The following ABLIM2 variants were observed in gnomAD, a reference collection of about 807,000 sequenced individuals.
ABLIM2 encodes the protein actin binding LIM protein family member 2.
In ABLIM2, 53 loss-of-function variants were observed where a neutral mutation model predicts 97.7. That is an observed-to-expected ratio of 0.54 (90% confidence interval 0.44 to 0.68). The LOEUF is 0.68. ABLIM2 is among the 30% of genes least tolerant of loss of function. ABLIM2 has a pLI of 0.00. For missense variants in ABLIM2, 835 were observed against 867.2 expected, an observed-to-expected ratio of 0.96 and a Z score of 0.47; for synonymous variants, 361 against 345.8, an observed-to-expected ratio of 1.04 and a Z score of -0.49.
chr4:8,051,357 G>A (rs73074034), intron 8 of ABLIM2, among the ~76,000 whole-genome samples: 8,194 of 151,236 alleles, frequency 0.054, 555 homozygotes, highest in African/African-American at 0.16. Flanking sequence ...GACCATCCTG[G>A]TCAACATAAT....
At chr4:7,997,277 G>A (rs1753952501) in intron 16 of ABLIM2, among the ~76,000 whole-genome samples, 1 of 152,058 alleles carries the variant, frequency 6.6e-6, no homozygotes, top group Non-Finnish European at 1.5e-5. Flanking sequence ...TCACCATGTT[G>A]GCCAGGATGG....
intron 8 of ABLIM2, among the ~76,000 whole-genome samples, chr4:8,047,438 G>C (rs2151823953): frequency 6.6e-6 from 1 of 151,650 alleles, no homozygotes; most frequent in Admixed American, 6.6e-5. Context: ...CAGCTTCCTT[G>C]GGCTTCCCTC....
rs1430008138 is a variant in ABLIM2 at position 8,102,387 on chromosome 4, A to C, written c.154+4107T>G. Among the ~76,000 whole-genome samples the C allele has an allele frequency of 2.0e-5, 3 of 152,190 alleles. No homozygotes were observed. The South Asian group carries it at 6.2e-4, about 32-fold the overall frequency. ...CCTAGCAGGGCTCACTTTCTAGCAC[A>C]TGATGAAATTTGCTTATTTATTCTT... On this transcript the variant is annotated intron_variant, in intron 2 of 20. Transcript: ENST00000447017.
chr4:8,118,708 T>C lies in ABLIM2; in HGVS notation c.11-12071A>G, dbSNP rs553620350. Among the ~76,000 whole-genome samples the C allele has an allele frequency of 5.9e-5, 9 of 152,332 alleles. No individual in the cohort carries two copies. The East Asian group carries it at 1.7e-3, about 29-fold the overall frequency. On this transcript the variant is annotated intron_variant, in intron 1 of 20. Coordinates refer to ENST00000447017, the MANE Select transcript of ABLIM2 (RefSeq NM_001130083.2). Reference sequence around the variant, plus strand: ...TTCCCAAAGTTGTCCTCGATAGTCCTGGCACCAGCCTGGGCTCCCACCATT... The same window carrying C: ...TTCCCAAAGTTGTCCTCGATAGTCCCGGCACCAGCCTGGGCTCCCACCATT...
chr4:8,008,719 C>T (rs1427276450), intron 15 of ABLIM2, among the ~76,000 whole-genome samples: 1 of 152,176 alleles, frequency 6.6e-6, no homozygotes, highest in Non-Finnish European at 1.5e-5. Flanking sequence ...ACTCTCTGGC[C>T]CTTTATGAAG....
chr4:8,050,765 G>T (rs1356706525), intron 8 of ABLIM2, among the ~76,000 whole-genome samples: 1 of 152,108 alleles, frequency 6.6e-6, no homozygotes, highest in Non-Finnish European at 1.5e-5. Flanking sequence ...CAAGGGGACC[G>T]AGATGTGTAT....
chr4:8,097,252 A>G lies in ABLIM2; in HGVS notation c.185T>C (p.Phe62Ser). The G allele has an allele frequency of 6.4e-7, 1 of 1,570,888 alleles. No homozygotes were observed. Among genetic ancestry groups the G allele is most frequent in the Non-Finnish European group, 8.6e-7 (1 of 1,159,146 alleles). ...ACGCDLAEGG[F>S]FVRQGEYICT... Reference sequence around the variant, plus strand: ...GATGTACTCGCCCTGCCGCACGAAGAAGCCGCCCTCGGCCAGGTCGCAGCC... The same window carrying G: ...GATGTACTCGCCCTGCCGCACGAAGGAGCCGCCCTCGGCCAGGTCGCAGCC... The change falls in exon 3 of 21, where the codon TTC becomes TCC. Residue 62 changes from phenylalanine (F) to serine (S), a missense_variant. Physicochemically the swap from Phe to Ser is radical, Grantham distance 155. Coordinates refer to ENST00000447017, the MANE Select transcript of ABLIM2 (RefSeq NM_001130083.2).
chr4:8,007,933 G>A (rs1762480754), intron 16 of ABLIM2, 126 bp downstream of exon 16: 3 of 1,490,624 alleles, frequency 2.0e-6, no homozygotes, highest in African/African-American at 2.8e-5. Flanking sequence ...TAGATTTGTG[G>A]GCTTTGCTTT....
intron 11 of ABLIM2, 69 bp from the exon 12 acceptor site, chr4:8,027,926 A>C: frequency 3.0e-5 from 33 of 1,116,972 alleles, no homozygotes; most frequent in Non-Finnish European, 3.9e-5. Flanking sequence ...CATATTCCTC[A>C]TCCCCACTCT....
intron 16 of ABLIM2, chr4:7,994,080 C>CTTTT (rs764214617): frequency 3.1e-3 from 183 of 59,222 alleles, no homozygotes; most frequent in Non-Finnish European, 4.7e-3. Context: ...GGGAAGCATT[C>CTTTT]TTTTTTTTTT....
Position 8,064,394 on chromosome 4 carries a change from A to G in ABLIM2, c.676-3340T>C, listed in dbSNP as rs561494056. On this transcript the variant is annotated intron_variant, in intron 6 of 20. Coordinates refer to ENST00000447017, the MANE Select transcript of ABLIM2 (RefSeq NM_001130083.2). Reference sequence around the variant, plus strand: ...CATGGATTAACAGGCCATCATGGGAACAGGACGGGTGGCTCTGAAGACAGG... The same window carrying G: ...CATGGATTAACAGGCCATCATGGGAGCAGGACGGGTGGCTCTGAAGACAGG... Among the ~76,000 whole-genome samples, 5 of 152,332 alleles carry G rather than the reference A, an allele frequency of 3.3e-5. No homozygotes were observed. The South Asian group carries it at 6.2e-4, about 19-fold the overall frequency.
At chr4:8,100,581 C>T (rs4696757) in intron 2 of ABLIM2, among the ~76,000 whole-genome samples, 24,320 of 151,676 alleles carry the variant, frequency 0.16, 4,667 homozygotes, top group African/African-American at 0.46. Flanking sequence ...ACCTCGACTC[C>T]ACTAAAAATG....
rs755811122 is a variant in ABLIM2, at chr4:7,986,141, T to G, written c.1681-1248A>C. On this transcript the variant is annotated intron_variant, in intron 17 of 20. Coordinates refer to ENST00000447017, the MANE Select transcript of ABLIM2 (RefSeq NM_001130083.2). This position sits in a 1 kb window ranked among gnomAD's most constrained non-coding sequence, Gnocchi z 4.3. ...GGCTCTCGGCCAGTGCTGCTGAAAC[T>G]GGGTACAGGGATCACATTTCAGCAG... Among the ~76,000 whole-genome samples the G allele has an allele frequency of 6.6e-6, 1 of 152,300 alleles. No homozygotes were observed. The highest frequency in any genetic ancestry group is 1.5e-5 in the Non-Finnish European group (1 of 68,016).
intron 14 of ABLIM2, among the ~76,000 whole-genome samples, chr4:8,011,502 G>A (rs1036170125): frequency 6.6e-6 from 1 of 152,186 alleles, no homozygotes; most frequent in Admixed American, 6.5e-5. Flanking sequence ...TCTGTAAAAT[G>A]GGCAAAGGAT....
At chr4:8,086,452 A>G (rs1012008453) in intron 4 of ABLIM2, among the ~76,000 whole-genome samples, 1 of 149,752 alleles carries the variant, frequency 6.7e-6, no homozygotes, top group Non-Finnish European at 1.5e-5. Flanking sequence ...AGTTCAAGCG[A>G]TTCTCCTGCC....
At chr4:8,038,876 T>A (rs945283013) in intron 9 of ABLIM2, among the ~76,000 whole-genome samples, 1 of 152,174 alleles carries the variant, frequency 6.6e-6, no homozygotes, top group African/African-American at 2.4e-5. Flanking sequence ...CCATGCCACT[T>A]AGCACTCAAG....
intron 8 of ABLIM2, among the ~76,000 whole-genome samples, chr4:8,053,683 G>C (rs1169572675): frequency 1.3e-5 from 2 of 152,126 alleles, no homozygotes; most frequent in Admixed American, 1.3e-4. Flanking sequence ...TTGGAAACTT[G>C]GTGTCCTTTG....
In ABLIM2 at chr4:8,071,438, C is replaced by A. The variant is rs1811955508; in HGVS notation, c.675+6190G>T. Among the ~76,000 whole-genome samples, 1 of 152,306 alleles carries A rather than the reference C, an allele frequency of 6.6e-6. No individual in the cohort carries two copies. Among genetic ancestry groups the A allele is most frequent in the South Asian group, 2.1e-4 (1 of 4,824 alleles). Reference sequence around the variant, plus strand: ...CTGAGGGAGAGACGGGGAAGGAAAACCCCACTGTCACCACCAAATGCACAT... The same window carrying A: ...CTGAGGGAGAGACGGGGAAGGAAAAACCCACTGTCACCACCAAATGCACAT... On this transcript the variant is annotated intron_variant, in intron 6 of 20. Coordinates refer to ENST00000447017, the MANE Select transcript of ABLIM2 (RefSeq NM_001130083.2). This position sits in a 1 kb window ranked among gnomAD's most constrained non-coding sequence, Gnocchi z 6.2.
At chr4:8,110,815 C>T (rs973231136) in intron 1 of ABLIM2, among the ~76,000 whole-genome samples, 10 of 152,210 alleles carry the variant, frequency 6.6e-5, no homozygotes, top group African/African-American at 1.9e-4. Flanking sequence ...ATAGACATTG[C>T]GCCGTGGGGA....
Sources: gnomAD v4.1 joint callset for allele counts (sites outside exome capture counted in the v4.1 genomes callset) on GRCh38, gnomAD v4.1.1 for gene constraint, Gnocchi (gnomAD v3.1) non-coding constraint, MANE v1.5 for transcripts, NCBI Gene and HGNC (gene_info 2026-07-23, HGNC 2026-07-21) for gene names.